Variants in CREB5 observed in about 807,000 individuals in gnomAD.
CREB5 encodes cyclic AMP-responsive element-binding protein 5.
In CREB5, 19 loss-of-function variants were observed where a neutral mutation model predicts 57.1. The ratio of observed to expected loss-of-function variants is 0.33; its 90% CI spans 0.23 to 0.49. The LOEUF (loss-of-function observed/expected upper bound fraction) is 0.49, where lower values mean the gene tolerates loss of function less well. CREB5 is among the 20% of genes least tolerant of loss of function. CREB5 has a pLI of 0.99. For synonymous variants in CREB5, 238 were observed against 238.3 expected (o/e 1.00, Z 0.01); for missense variants, 579 against 671.6 (o/e 0.86, Z 1.52).
intron 1 of CREB5, among the ~76,000 whole-genome samples, chr7:28,464,321 T>G (rs1790468741): frequency 6.6e-6 from 1 of 152,216 alleles, no homozygotes; most frequent in African/African-American, 2.4e-5. Context: ...TATCCTTGTC[T>G]TGTTGATTGC....
At position 28,534,024 on chromosome 7, in the gene CREB5, A is replaced by G. The variant is rs970842228; in HGVS notation, c.291+26287A>G. 2.5e-4 allele frequency among the ~76,000 whole-genome samples: 38 copies of G among 152,212 alleles called. 1 individual carries two copies. The highest frequency in any genetic ancestry group is 9.2e-4 in the African/African-American group (38 of 41,442). ...CCTGTCATCCCAACCCTGGAAAAGCAAATCTGTATCTATTTTGTGAACACT... is the reference window on the plus strand; with the variant it reads ...CCTGTCATCCCAACCCTGGAAAAGCGAATCTGTATCTATTTTGTGAACACT... On this transcript the variant is annotated intron_variant, in intron 4 of 10. Transcript: ENST00000357727.
chr7:28,707,896 C>T (rs926462834), intron 5 of CREB5, among the ~76,000 whole-genome samples: 1 of 152,166 alleles, frequency 6.6e-6, no homozygotes, highest in East Asian at 1.9e-4. Context: ...CTAATGTCTC[C>T]CCCATGGGCT....
intron 1 of CREB5, among the ~76,000 whole-genome samples, chr7:28,360,987 T>C (rs1023020621): frequency 3.3e-5 from 5 of 152,080 alleles, no homozygotes; most frequent in African/African-American, 1.2e-4. Flanking sequence ...ATCTAGTAGA[T>C]AGGGGCCAGG....
chr7:28,548,348 C>T (rs1349222065), intron 4 of CREB5, among the ~76,000 whole-genome samples: 5 of 152,146 alleles, frequency 3.3e-5, no homozygotes, highest in Non-Finnish European at 7.4e-5. Context: ...TCTGTAAACT[C>T]CAATAGACCT....
intron 1 of CREB5, among the ~76,000 whole-genome samples, chr7:28,339,695 A>T (rs1020371561): frequency 2.0e-5 from 3 of 152,220 alleles, no homozygotes; most frequent in Non-Finnish European, 4.4e-5. Context: ...TGGCAAAGCC[A>T]GACAGGCTTG....
rs35163811 is a variant in CREB5, at chr7:28,384,516, G to A, written c.-25+85075G>A. Among the ~76,000 whole-genome samples, 65 of 151,990 alleles carry A rather than the reference G, an allele frequency of 4.3e-4. 1 individual carries two copies. Among genetic ancestry groups the A allele is most frequent in the Admixed American group, 1.2e-3 (19 of 15,250 alleles). On this transcript the variant is annotated intron_variant, in intron 1 of 9. Transcript: ENST00000396299. ...ATAACCTGGCACAAACAGGCATTAG[G>A]ATCTTCATATATGAAAACAAATCAT...
chr7:28,458,887 G>A (rs558269538), intron 1 of CREB5, among the ~76,000 whole-genome samples: 19 of 152,352 alleles, frequency 1.2e-4, no homozygotes, highest in Middle Eastern at 3.4e-3. Flanking sequence ...CCATGAAGGC[G>A]AGAAGCCAAG....
At chr7:28,574,234 A>G (rs1583651379) in intron 5 of CREB5, among the ~76,000 whole-genome samples, 1 of 152,266 alleles carries the variant, frequency 6.6e-6, no homozygotes, top group African/African-American at 2.4e-5. Context: ...TGTATTAAAT[A>G]GAGATAAAAT....
At chr7:28,659,824 TA>T (rs1484283709) in intron 5 of CREB5, among the ~76,000 whole-genome samples, 2 of 151,978 alleles carry the variant, frequency 1.3e-5, no homozygotes, top group Non-Finnish European at 2.9e-5. Context: ...ATATAAGAAA[TA>T]AAAATAAGAA....
intron 2 of CREB5, among the ~76,000 whole-genome samples, chr7:28,492,757 T>A (rs977376087): frequency 4.0e-5 from 6 of 148,674 alleles, no homozygotes; most frequent in African/African-American, 1.5e-4. Context: ...ATATAGTGTA[T>A]ATATAAAATA....
chr7:28,428,484 T>C (rs1407279531), intron 1 of CREB5, among the ~76,000 whole-genome samples: 2 of 151,404 alleles, frequency 1.3e-5, no homozygotes, highest in Non-Finnish European at 2.9e-5. Flanking sequence ...TGAGAAAGAG[T>C]TGGATTTTGG....
chr7:28,599,181 A>G (rs1169780824), intron 5 of CREB5, among the ~76,000 whole-genome samples: 1 of 152,162 alleles, frequency 6.6e-6, no homozygotes, highest in Admixed American at 6.6e-5. Context: ...ATTATAGCTT[A>G]AGCCTCTCAA....
At chr7:28,352,147 G>A (rs1786202378) in intron 1 of CREB5, among the ~76,000 whole-genome samples, 1 of 152,144 alleles carries the variant, frequency 6.6e-6, no homozygotes, top group Admixed American at 6.5e-5. Flanking sequence ...ATTTTTCATA[G>A]AGTCTTTGGC....
chr7:28,720,059 C>CA (rs1333491142), intron 6 of CREB5, among the ~76,000 whole-genome samples: 1 of 152,154 alleles, frequency 6.6e-6, no homozygotes, highest in Non-Finnish European at 1.5e-5. Flanking sequence ...GACTCCGTCT[C>CA]AAAAAACAAA....
Position 28,488,299 on chromosome 7 carries a change from G to A in CREB5, c.75+53G>A. On this transcript the variant is annotated intron_variant, in intron 2 of 10. Transcript: ENST00000357727. Reference sequence around the variant, plus strand: ...ACATGCAGGGCCTGCTTTCCGAAAGGGAAGCAACTCTCACCCGGCAATCAT... The same window carrying A: ...ACATGCAGGGCCTGCTTTCCGAAAGAGAAGCAACTCTCACCCGGCAATCAT... The A allele has an allele frequency of 6.5e-6, 10 of 1,547,048 alleles. No individual in the cohort carries two copies. In the South Asian group the frequency reaches 1.1e-4, roughly 17 times the overall value.
intron 1 of CREB5, among the ~76,000 whole-genome samples, chr7:28,465,345 T>C (rs1224820690): frequency 6.6e-6 from 1 of 152,214 alleles, no homozygotes; most frequent in African/African-American, 2.4e-5. Flanking sequence ...ACAAAGTTTC[T>C]CCAGTCTCCA....
intron 4 of CREB5, among the ~76,000 whole-genome samples, chr7:28,555,509 G>C (rs1296610386): frequency 6.6e-6 from 1 of 152,090 alleles, no homozygotes; most frequent in Non-Finnish European, 1.5e-5. Flanking sequence ...CCATCCATAG[G>C]GTTTGAAAAC....
intron 5 of CREB5, among the ~76,000 whole-genome samples, chr7:28,654,225 A>G (rs1355590218): frequency 1.3e-5 from 2 of 152,174 alleles, no homozygotes; most frequent in Non-Finnish European, 2.9e-5. Flanking sequence ...AAGGCTTGCC[A>G]CTTTCGGGAG....
intron 4 of CREB5, among the ~76,000 whole-genome samples, chr7:28,511,193 G>A (rs1437635533): frequency 2.8e-5 from 4 of 142,462 alleles, no homozygotes; most frequent in Non-Finnish European, 6.1e-5. Flanking sequence ...AAGGGGCACA[G>A]GGCATGCTGC....
Sources: allele counts gnomAD v4.1 joint callset (sites outside exome capture counted in the v4.1 genomes callset), GRCh38; gene constraint gnomAD v4.1.1; transcripts MANE v1.5; gene names NCBI Gene and HGNC (gene_info 2026-07-23, HGNC 2026-07-21).